The following CFAP58 variants were observed in gnomAD, a reference collection of about 807,000 sequenced individuals.
CFAP58 encodes the protein cilia- and flagella-associated protein 58.
Under a neutral mutation model 119.5 loss-of-function variants are expected in CFAP58, and 88 were observed. The ratio of observed to expected loss-of-function variants is 0.74; its 90% CI spans 0.62 to 0.88. The LOEUF (loss-of-function observed/expected upper bound fraction) is 0.88. CFAP58 is among the 40% of genes least tolerant of loss of function. The probability of loss-of-function intolerance (pLI) is 0.00; values close to 1 mark genes in which losing one functional copy is unlikely to be tolerated. For missense variants in CFAP58, 990 were observed against 1,021.2 expected, an observed-to-expected ratio of 0.97 and a Z score of 0.42; for synonymous variants, 365 against 366.3, an observed-to-expected ratio of 1.00 and a Z score of 0.04.
chr10:104,440,088 C>T (rs572548703), intron 15 of CFAP58, among the ~76,000 whole-genome samples: 2 of 152,000 alleles, frequency 1.3e-5, no homozygotes, highest in Non-Finnish European at 2.9e-5. Context: ...TCCCAAAGTG[C>T]TGGGATTACA....
chr10:104,431,157 A>G (rs1019081252), intron 15 of CFAP58, among the ~76,000 whole-genome samples: 2 of 152,220 alleles, frequency 1.3e-5, no homozygotes, highest in Non-Finnish European at 2.9e-5. Flanking sequence ...AGTTACATTA[A>G]TCATTCATTC....
chr10:104,420,886 GGGACTAC>G (rs1441412048), intron 15 of CFAP58, among the ~76,000 whole-genome samples: 2 of 151,542 alleles, frequency 1.3e-5, no homozygotes, highest in Admixed American at 1.3e-4. Flanking sequence ...CTGAGTAGCT[GGGACTAC>G]AGTCTTGTGC....
chr10:104,416,693 T>C (rs890506907), intron 15 of CFAP58, among the ~76,000 whole-genome samples: 5 of 152,232 alleles, frequency 3.3e-5, no homozygotes, highest in Admixed American at 3.3e-4. Context: ...AATGCTTGTA[T>C]AGGTATTATC....
At chr10:104,369,440 C>T (rs1292822446) in intron 6 of CFAP58, among the ~76,000 whole-genome samples, 1 of 152,134 alleles carries the variant, frequency 6.6e-6, no homozygotes, top group Non-Finnish European at 1.5e-5. Flanking sequence ...ATTAAAACAT[C>T]TTAGAAATGG....
At position 104,374,864 on chromosome 10, in the gene CFAP58, AAAAG is replaced by A. The variant is rs1279850837; in HGVS notation, c.1091-1944_1091-1941del. 2.0e-5 allele frequency among the ~76,000 whole-genome samples: 3 copies of A among 151,810 alleles called. No homozygotes were observed. In the East Asian group the frequency reaches 5.8e-4, roughly 29 times the overall value. The stretch of plus-strand genomic sequence containing the variant: ...ATAACTGCAAAAAAAAAAAAAAAGA[AAAAG>A]AAGCAACTTAAATGTTAAAATGAGG... On this transcript the variant is annotated intron_variant, in intron 7 of 17. Transcript: ENST00000369704.
chr10:104,348,774 C>T, the CFAP58 span, among the ~76,000 whole-genome samples: 1 of 152,200 alleles, frequency 6.6e-6, no homozygotes, highest in African/African-American at 2.4e-5. Flanking sequence ...AGGTCAAGTT[C>T]AAGAGCCATG....
At chr10:104,431,854 TTTC>T (rs1262186677) in intron 15 of CFAP58, among the ~76,000 whole-genome samples, 2 of 152,228 alleles carry the variant, frequency 1.3e-5, no homozygotes, top group South Asian at 2.1e-4. Context: ...TATTATTCAT[TTTC>T]TTCTTTTTTC....
At chr10:104,356,181 A>G (rs2014540306) in intron 1 of CFAP58, among the ~76,000 whole-genome samples, 1 of 152,252 alleles carries the variant, frequency 6.6e-6, no homozygotes, top group African/African-American at 2.4e-5. Context: ...AAGTTGTTAT[A>G]CAAAATGCTA....
intron 15 of CFAP58, among the ~76,000 whole-genome samples, chr10:104,415,325 A>G (rs1285349447): frequency 6.6e-6 from 1 of 152,136 alleles, no homozygotes; most frequent in Non-Finnish European, 1.5e-5. Flanking sequence ...GGGTCATCCC[A>G]TGGGCGTTTG....
upstream of CFAP58, chr10:104,353,031 G>T (rs1187459979): frequency 2.0e-5 from 3 of 152,146 alleles, no homozygotes; most frequent in African/African-American, 7.2e-5. Flanking sequence ...TGGGAGTAGG[G>T]ATGGGGATAA....
intron 8 of CFAP58, 143 bp from the exon 9 acceptor site, chr10:104,379,885 TA>T: frequency 1.3e-6 from 1 of 768,170 alleles, no homozygotes; most frequent in Non-Finnish European, 2.1e-6. Flanking sequence ...AACAAACTCT[TA>T]ATAAGCTGTA....
At chr10:104,378,361 A>T (rs1439857289) in intron 8 of CFAP58, among the ~76,000 whole-genome samples, 2 of 152,246 alleles carry the variant, frequency 1.3e-5, no homozygotes, top group African/African-American at 2.4e-5. Flanking sequence ...CTTGAAAAAA[A>T]AGTTGATCTT....
chr10:104,400,687 G>A lies in CFAP58; in HGVS notation c.1823G>A (p.Ser608Asn). 6.2e-7 allele frequency: 1 copy of A among 1,613,654 alleles called. No homozygotes were observed. Among genetic ancestry groups the A allele is most frequent in the African/African-American group, 1.3e-5 (1 of 74,986 alleles). Residue 608 changes from serine (S) to asparagine (N), a missense_variant, in exon 13 of 18, where the codon AGT becomes AAT. Coordinates refer to ENST00000369704, the MANE Select transcript of CFAP58 (RefSeq NM_001008723.2). ...RQKKELDQVI[S>N]ERDILGSQLV... is the part of the protein sequence containing the mutation. ...CCCTCCCTACCTTCCTAGGTCATCA[G>A]TGAGAGAGATATCCTGGGGTCTCAG...
chr10:104,374,453 GAAAAAAAAA>G (rs71022730), intron 7 of CFAP58, among the ~76,000 whole-genome samples: 2 of 30,696 alleles, frequency 6.5e-5, no homozygotes, highest in African/African-American at 1.2e-4. Context: ...CTTGTTTCAG[GAAAAAAAAA>G]AAAAAAAAAA....
chr10:104,354,408 C>T (rs1329291571), intron 1 of CFAP58, among the ~76,000 whole-genome samples: 2 of 152,152 alleles, frequency 1.3e-5, no homozygotes, highest in East Asian at 1.9e-4. Context: ...CCCATCACCT[C>T]TGCCCCGTGT....
intron 15 of CFAP58, among the ~76,000 whole-genome samples, chr10:104,413,340 G>A (rs1165179137): frequency 6.6e-6 from 1 of 152,116 alleles, no homozygotes. Flanking sequence ...TGATTCATGC[G>A]GGTCTGTCAA....
At chr10:104,371,764 T>C (rs1409657948) in intron 7 of CFAP58, among the ~76,000 whole-genome samples, 1 of 152,218 alleles carries the variant, frequency 6.6e-6, no homozygotes, top group Non-Finnish European at 1.5e-5. Context: ...ATTCTTGTTT[T>C]CTGAATAAAA....
Position 104,362,195 on chromosome 10 carries a change from A to G in CFAP58, c.440+24A>G, listed in dbSNP as rs150133630. 8.2e-6 allele frequency: 13 copies of G among 1,587,206 alleles called. No individual in the cohort carries two copies. In the African/African-American group the frequency reaches 1.4e-4, roughly 16 times the overall value. ...AAGTAGGTCATAGCCTTGTTGATGTATGTTAAACTTGCTTTTGCAGAGGTC... is the reference window on the plus strand; with the variant it reads ...AAGTAGGTCATAGCCTTGTTGATGTGTGTTAAACTTGCTTTTGCAGAGGTC... On this transcript the variant is annotated intron_variant, in intron 3 of 17. Coordinates refer to ENST00000369704, the MANE Select transcript of CFAP58 (RefSeq NM_001008723.2).
chr10:104,348,100 G>A, the CFAP58 span, among the ~76,000 whole-genome samples: 2 of 151,032 alleles, frequency 1.3e-5, no homozygotes. Context: ...TGTGGCCCTG[G>A]GGAGGTATGT....
Sources: gnomAD v4.1 joint callset for allele counts (sites outside exome capture counted in the v4.1 genomes callset) on GRCh38, gnomAD v4.1.1 for gene constraint, MANE v1.5 for transcripts, NCBI Gene and HGNC (gene_info 2026-07-23, HGNC 2026-07-21) for gene names.